Variants in DYNC1I1 observed in about 807,000 individuals in gnomAD.
DYNC1I1 encodes the protein dynein cytoplasmic 1 intermediate chain 1, also known as cytoplasmic dynein 1 intermediate chain 1.
A neutral mutation model predicts 86.6 loss-of-function variants in DYNC1I1; 43 were observed. The ratio of observed to expected loss-of-function variants is 0.50; its 90% CI spans 0.39 to 0.64. DYNC1I1 has a LOEUF of 0.64. Ranked by LOEUF, DYNC1I1 falls within the 30% of genes least tolerant of loss-of-function variation. The probability of loss-of-function intolerance (pLI) is 0.00; values close to 1 mark genes in which losing one functional copy is unlikely to be tolerated. For missense variants in DYNC1I1, 604 were observed against 788.8 expected, an observed-to-expected ratio of 0.77 and a Z score of 2.81; for synonymous variants, 262 against 283.7, an observed-to-expected ratio of 0.92 and a Z score of 0.77.
chr7:96,097,857 T>C lies in DYNC1I1; in HGVS notation c.*264T>C. The C allele has an allele frequency of 1.0e-5, 12 of 1,180,264 alleles. No individual in the cohort carries two copies. Among genetic ancestry groups the C allele is most frequent in the Non-Finnish European group, 1.3e-5 (12 of 947,976 alleles). 73.1% of individuals were successfully genotyped at this position (1,180,264 alleles called of 1,614,324 possible). On this transcript the variant is annotated 3_prime_UTR_variant, in exon 17 of 17. Transcript: ENST00000447467. ...GGGTTATGGGTTAAGTTGCTGCCTT[T>C]TAACTACTTTGTAGCTGTATTTAAT...
At chr7:95,812,166 G>A (rs929285166) in intron 3 of DYNC1I1, among the ~76,000 whole-genome samples, 2 of 152,128 alleles carry the variant, frequency 1.3e-5, no homozygotes, top group Non-Finnish European at 2.9e-5. Flanking sequence ...TTGTGTTATA[G>A]GATTTGGGTA....
intron 16 of DYNC1I1, among the ~76,000 whole-genome samples, chr7:96,089,572 C>T (rs1238259967): frequency 6.6e-6 from 1 of 152,056 alleles, no homozygotes; most frequent in Non-Finnish European, 1.5e-5. Flanking sequence ...CAATCTCTTT[C>T]CCAGTTTCCC....
At chr7:96,096,314 C>T (rs1212055567) in intron 16 of DYNC1I1, among the ~76,000 whole-genome samples, 1 of 152,094 alleles carries the variant, frequency 6.6e-6, no homozygotes, top group Admixed American at 6.6e-5. Context: ...TTTGCTTCCT[C>T]TTTTTTCATT....
At chr7:95,819,565 T>C (rs2690290) in intron 4 of DYNC1I1, among the ~76,000 whole-genome samples, 6 of 151,730 alleles carry the variant, frequency 4.0e-5, no homozygotes, top group Non-Finnish European at 1.5e-5. Flanking sequence ...TAAAGGGAAG[T>C]CATAAAGGAA....
At chr7:96,035,109 C>T (rs556960485) in intron 12 of DYNC1I1, among the ~76,000 whole-genome samples, 20 of 152,258 alleles carry the variant, frequency 1.3e-4, no homozygotes, top group Non-Finnish European at 2.5e-4. Context: ...CCAATGGCTG[C>T]CCTGCATGAA....
chr7:95,928,035 G>C (rs1791791704), intron 6 of DYNC1I1, among the ~76,000 whole-genome samples: 1 of 152,190 alleles, frequency 6.6e-6, no homozygotes, highest in Non-Finnish European at 1.5e-5. Flanking sequence ...AGCCACACTT[G>C]GCCTGGTTTC....
intron 6 of DYNC1I1, among the ~76,000 whole-genome samples, chr7:95,969,502 A>T (rs1315272027): frequency 6.6e-6 from 1 of 152,198 alleles, no homozygotes. Context: ...AAACTGCTGA[A>T]GGTATCCACA....
rs547062368 is a variant in DYNC1I1 at position 95,851,174 on chromosome 7, A to G, written c.375-18709A>G. Among the ~76,000 whole-genome samples, 15 of 152,042 alleles carry G rather than the reference A, an allele frequency of 9.9e-5. No homozygotes were observed. In the South Asian group the frequency reaches 1.7e-3, roughly 17 times the overall value. ...GGTCTCAAACCCCTGGCCTCAAGCA[A>G]TCCTCCAGCCTTGGCCTCCCAAAGT... On this transcript the variant is annotated intron_variant, in intron 5 of 16. Transcript: ENST00000447467.
At chr7:95,942,607 G>T (rs530424389) in intron 6 of DYNC1I1, among the ~76,000 whole-genome samples, 12 of 152,054 alleles carry the variant, frequency 7.9e-5, no homozygotes, top group African/African-American at 2.9e-4. Context: ...GATGAACATT[G>T]ATGCAAAAAT....
chr7:95,860,536 G>A (rs1789849579), intron 5 of DYNC1I1, among the ~76,000 whole-genome samples: 1 of 152,178 alleles, frequency 6.6e-6, no homozygotes, highest in Non-Finnish European at 1.5e-5. Flanking sequence ...AGAATATGAA[G>A]ATACTCTTTT....
At chr7:96,074,908 G>A (rs1790286051) in intron 14 of DYNC1I1, among the ~76,000 whole-genome samples, 1 of 152,218 alleles carries the variant, frequency 6.6e-6, no homozygotes, top group Non-Finnish European at 1.5e-5. Flanking sequence ...TGGAACCCAT[G>A]AAGAGAGTAC....
intron 14 of DYNC1I1, 63 bp from the exon 15 acceptor site, chr7:96,075,994 C>A: frequency 6.4e-7 from 1 of 1,560,854 alleles, no homozygotes; most frequent in Non-Finnish European, 8.7e-7. Flanking sequence ...TTTAATTAGG[C>A]TCTCTAGACA....
chr7:95,907,936 A>G (rs748743597), intron 6 of DYNC1I1, among the ~76,000 whole-genome samples: 12 of 152,200 alleles, frequency 7.9e-5, no homozygotes, highest in Non-Finnish European at 1.5e-4. Flanking sequence ...TAGAATGAAA[A>G]CAATACTTGC....
At chr7:95,991,226 T>C (rs1309577925) in intron 9 of DYNC1I1, among the ~76,000 whole-genome samples, 2 of 152,200 alleles carry the variant, frequency 1.3e-5, no homozygotes, top group Non-Finnish European at 2.9e-5. Flanking sequence ...GTTCAGTGAC[T>C]TCCGTGATGA....
intron 5 of DYNC1I1, among the ~76,000 whole-genome samples, chr7:95,838,388 C>T (rs1053701775): frequency 6.6e-6 from 1 of 152,044 alleles, no homozygotes; most frequent in Non-Finnish European, 1.5e-5. Context: ...CCATTCTGTC[C>T]CACTGACCTA....
intron 5 of DYNC1I1, among the ~76,000 whole-genome samples, chr7:95,846,511 A>G (rs748837370): frequency 2.6e-5 from 4 of 152,232 alleles, no homozygotes; most frequent in Non-Finnish European, 5.9e-5. Context: ...AAATGTGAAC[A>G]TAGAAGAATG....
At chr7:96,049,064 C>G (rs886603789) in intron 14 of DYNC1I1, among the ~76,000 whole-genome samples, 2 of 151,970 alleles carry the variant, frequency 1.3e-5, no homozygotes, top group African/African-American at 4.8e-5. Flanking sequence ...TTGAGACCAT[C>G]ACGGCTAACA....
chr7:95,958,075 G>A (rs1270819333), intron 6 of DYNC1I1, among the ~76,000 whole-genome samples: 1 of 152,114 alleles, frequency 6.6e-6, no homozygotes, highest in Non-Finnish European at 1.5e-5. Flanking sequence ...ATATTTAGCA[G>A]CATCTCTGGC....
At chr7:95,995,095 A>AT in intron 9 of DYNC1I1, among the ~76,000 whole-genome samples, 1 of 151,930 alleles carries the variant, frequency 6.6e-6, no homozygotes, top group Non-Finnish European at 1.5e-5. Flanking sequence ...AAAATACAAA[A>AT]AATTAGCCAG....
Sources: allele counts gnomAD v4.1 joint callset (sites outside exome capture counted in the v4.1 genomes callset), GRCh38; gene constraint gnomAD v4.1.1; transcripts MANE v1.5; gene names NCBI Gene and HGNC (gene_info 2026-07-23, HGNC 2026-07-21).